SPATA6L: variants seen among roughly 807,000 people sequenced by gnomAD.
SPATA6L encodes the protein spermatogenesis associated 6-like protein.
In SPATA6L, 68 loss-of-function variants were observed where a neutral mutation model predicts 49.2. That is an observed-to-expected ratio of 1.38 (90% CI 1.14 to 1.69). The LOEUF (loss-of-function observed/expected upper bound fraction) is 1.69. Ranked by LOEUF, SPATA6L falls within the 40% of genes most tolerant of loss-of-function variation. SPATA6L has a pLI of 0.00. For missense variants in SPATA6L, 668 were observed against 464.3 expected, an observed-to-expected ratio of 1.44 and a Z score of -4.03; for synonymous variants, 198 against 165.7, an observed-to-expected ratio of 1.19 and a Z score of -1.50.
downstream of SPATA6L, among the ~76,000 whole-genome samples, chr9:4,593,596 A>C (rs1697777444): frequency 6.6e-6 from 1 of 151,856 alleles, no homozygotes; most frequent in Non-Finnish European, 1.5e-5. Flanking sequence ...ACTCACAAAC[A>C]CCTAATCCCC....
intron 9 of SPATA6L, among the ~76,000 whole-genome samples, chr9:4,613,223 A>G (rs1341631315): frequency 6.6e-6 from 1 of 150,686 alleles, no homozygotes; most frequent in Non-Finnish European, 1.5e-5. Context: ...GCAAGATTCT[A>G]TCTCAAAAAA....
In SPATA6L at chr9:4,662,807, C is replaced by G; in HGVS notation, c.40-771G>C. The G allele has an allele frequency of 6.2e-7, 1 of 1,605,086 alleles. No individual in the cohort carries two copies. Among genetic ancestry groups the G allele is most frequent in the Non-Finnish European group, 8.5e-7 (1 of 1,179,932 alleles). ...TGCTGGAGATCTCGGGACACGGCAT[C>G]CCCTGGCTGCTGGGCACCCTCTACT... On this transcript the variant is annotated intron_variant, in intron 1 of 11. Coordinates refer to ENST00000682582, the MANE Select transcript of SPATA6L (RefSeq NM_001353486.2). This position sits in a 1 kb window ranked among gnomAD's most constrained non-coding sequence, Gnocchi z 4.9.
rs755774488 is a variant in SPATA6L, at chr9:4,622,358, G to A, written c.772+50C>T. The A allele has an allele frequency of 9.4e-6, 10 of 1,064,604 alleles. No individual in the cohort carries two copies. In the East Asian group the frequency reaches 1.7e-4, roughly 18 times the overall value. 65.9% of individuals were successfully genotyped at this position (1,064,604 alleles called of 1,614,324 possible). ...CAGAATGAAAGAGTATACTCAGGAC[G>A]CATTTGTTGCCATAGGGAAATGTAC... On this transcript the variant is annotated intron_variant, in intron 7 of 11. Coordinates refer to ENST00000682582, the MANE Select transcript of SPATA6L (RefSeq NM_001353486.2).
intron 13 of SPATA6L, among the ~76,000 whole-genome samples, chr9:4,589,874 A>G (rs1258674518): frequency 1.3e-5 from 2 of 152,226 alleles, no homozygotes; most frequent in Admixed American, 1.3e-4. Flanking sequence ...AGTGAAAGCC[A>G]GATAATATAA....
chr9:4,645,257 T>C (rs761190067), intron 3 of SPATA6L, among the ~76,000 whole-genome samples: 44 of 152,192 alleles, frequency 2.9e-4, no homozygotes, highest in Non-Finnish European at 4.9e-4. Flanking sequence ...TACAACAATT[T>C]GTACATTAAT....
chr9:4,659,378 A>G (rs1452799346), intron 2 of SPATA6L, among the ~76,000 whole-genome samples: 1 of 151,852 alleles, frequency 6.6e-6, no homozygotes, highest in Non-Finnish European at 1.5e-5. Flanking sequence ...CCTATACACC[A>G]ATAACAGACA....
intron 3 of SPATA6L, among the ~76,000 whole-genome samples, chr9:4,652,178 T>C (rs1347366449): frequency 3.3e-5 from 5 of 152,154 alleles, no homozygotes; most frequent in Non-Finnish European, 5.9e-5. Flanking sequence ...CCCAGCACTT[T>C]CGGAGGCCAA....
At chr9:4,602,897 T>G (rs983084426) in intron 11 of SPATA6L, among the ~76,000 whole-genome samples, 3 of 152,232 alleles carry the variant, frequency 2.0e-5, no homozygotes, top group African/African-American at 7.2e-5. Flanking sequence ...CATTGGGTTG[T>G]CCTGAGAATT....
chr9:4,654,084 C>G (rs916651792), intron 3 of SPATA6L, among the ~76,000 whole-genome samples: 5 of 152,088 alleles, frequency 3.3e-5, no homozygotes, highest in Non-Finnish European at 5.9e-5. Context: ...AAATGCAAAT[C>G]AAAACAATGA....
At position 4,662,993 on chromosome 9, in the gene SPATA6L, C is replaced by G. The variant is rs1267119691; in HGVS notation, c.40-957G>C. The G allele has an allele frequency of 6.2e-7, 1 of 1,612,788 alleles. No homozygotes were observed. Among genetic ancestry groups the G allele is most frequent in the Non-Finnish European group, 8.5e-7 (1 of 1,179,764 alleles). ...ACATGTTTGTCACTCTCTCGGTGGA[C>G]AAGTACTCCTTCCCCTCGGGCCATG... is the stretch of plus-strand genomic sequence containing the variant. On this transcript the variant is annotated intron_variant, in intron 1 of 11. Transcript: ENST00000682582. This position sits in a 1 kb window ranked among gnomAD's most constrained non-coding sequence, Gnocchi z 4.9.
intron 9 of SPATA6L, among the ~76,000 whole-genome samples, chr9:4,611,925 C>A (rs919819834): frequency 6.6e-6 from 1 of 152,076 alleles, no homozygotes; most frequent in Non-Finnish European, 1.5e-5. Flanking sequence ...CTCACTGCAA[C>A]CTTGAACTCT....
At chr9:4,642,186 C>A (rs1834180413) in intron 3 of SPATA6L, among the ~76,000 whole-genome samples, 2 of 152,234 alleles carry the variant, frequency 1.3e-5, no homozygotes, top group Middle Eastern at 3.4e-3. Flanking sequence ...TATTGAGTAA[C>A]TTTTTTAAAA....
rs756027669 is a variant in SPATA6L, at chr9:4,625,505, T to C, written c.491A>G (p.Asn164Ser). 5.6e-6 allele frequency: 9 copies of C among 1,613,658 alleles called. No homozygotes were observed. Among genetic ancestry groups the C allele is most frequent in the Non-Finnish European group, 6.8e-6 (8 of 1,179,766 alleles). The part of the protein sequence containing the change: ...STSHEPIFPL[N>S]TIKMKLKENN... ...CTCCTTTAGTTTCATCTTTATAGTA[T>C]TTAAGGGAAATATTGGTTCATGTGA... Residue 164 changes from asparagine to serine, a missense_variant, in exon 6 of 12, where the codon AAT becomes AGT. Transcript: ENST00000682582.
At chr9:4,625,736 G>C in intron 5 of SPATA6L, 170 bp from the exon 6 acceptor site, 1 of 477,060 alleles carries the variant, frequency 2.1e-6, no homozygotes, top group Non-Finnish European at 3.5e-6. Context: ...TTTTTTTCCT[G>C]TTCAGTTTAA....
intron 3 of SPATA6L, among the ~76,000 whole-genome samples, chr9:4,640,674 G>C (rs922953927): frequency 2.0e-5 from 3 of 152,136 alleles, no homozygotes; most frequent in Non-Finnish European, 2.9e-5. Flanking sequence ...GACTGGCACA[G>C]TGTAGATCAT....
intron 9 of SPATA6L, among the ~76,000 whole-genome samples, chr9:4,616,643 T>C (rs1359033644): frequency 2.0e-5 from 3 of 152,240 alleles, no homozygotes; most frequent in African/African-American, 2.4e-5. Context: ...TGGAATGCAA[T>C]GGCACGATCT....
intron 10 of SPATA6L, among the ~76,000 whole-genome samples, chr9:4,604,714 A>G (rs921063484): frequency 1.3e-5 from 2 of 152,218 alleles, no homozygotes; most frequent in African/African-American, 2.4e-5. Context: ...AGTATATAAT[A>G]AGTCAAGAGG....
chr9:4,629,059 C>G, intron 5 of SPATA6L, 32 bp downstream of exon 5: 1 of 1,466,174 alleles, frequency 6.8e-7, no homozygotes, highest in Non-Finnish European at 9.4e-7. Context: ...AAAATCCGGT[C>G]ATTTCTATCA....
At chr9:4,635,683 C>T (rs1832664665) in intron 3 of SPATA6L, among the ~76,000 whole-genome samples, 1 of 152,146 alleles carries the variant, frequency 6.6e-6, no homozygotes, top group African/African-American at 2.4e-5. Context: ...TCCAATTTTT[C>T]CTGCAACAAA....
Sources: gnomAD v4.1 joint callset for allele counts (sites outside exome capture counted in the v4.1 genomes callset) on GRCh38, gnomAD v4.1.1 for gene constraint, Gnocchi (gnomAD v3.1) non-coding constraint, MANE v1.5 for transcripts, NCBI Gene and HGNC (gene_info 2026-07-23, HGNC 2026-07-21) for gene names.